The following MAF variants were observed in gnomAD, a reference collection of about 807,000 sequenced individuals.
The protein encoded by MAF is MAF bZIP transcription factor, also known as transcription factor Maf.
In MAF, 10 loss-of-function variants were observed where a neutral mutation model predicts 22.0. The ratio of observed to expected loss-of-function variants is 0.45; its 90% CI spans 0.28 to 0.77. MAF has a LOEUF of 0.77. Ranked by LOEUF, MAF falls within the 30% of genes least tolerant of loss-of-function variation. The pLI is 0.12. For synonymous variants in MAF, 337 were observed against 255.8 expected, an observed-to-expected ratio of 1.32 and a Z score of -3.03; for missense variants, 544 against 548.4, an observed-to-expected ratio of 0.99 and a Z score of 0.08.
At chr16:79,515,148 C>G in the MAF span, among the ~76,000 whole-genome samples, 2 of 152,228 alleles carry the variant, frequency 1.3e-5, no homozygotes, top group African/African-American at 4.8e-5. Flanking sequence ...CTGACACAGA[C>G]TTCACTGTGT....
intron 1 of MAF, chr16:79,597,335 A>T (rs889534020): frequency 5.8e-6 from 6 of 1,041,252 alleles, no homozygotes; most frequent in Middle Eastern, 4.4e-4. Context: ...AGCATTCCAC[A>T]TTTGACAATG....
chr16:79,366,529 A>G, the MAF span, among the ~76,000 whole-genome samples: 1 of 152,232 alleles, frequency 6.6e-6, no homozygotes, highest in Non-Finnish European at 1.5e-5. Flanking sequence ...CCTTCTAGAC[A>G]CATGATGAGA....
At chr16:79,432,786 C>G in the MAF span, among the ~76,000 whole-genome samples, 1 of 152,082 alleles carries the variant, frequency 6.6e-6, no homozygotes, top group South Asian at 2.1e-4. Context: ...AGGTGGAGAT[C>G]AGGCGATGCA....
chr16:79,311,288 G>A, the MAF span, among the ~76,000 whole-genome samples: 4 of 152,082 alleles, frequency 2.6e-5, no homozygotes, highest in Non-Finnish European at 4.4e-5. Flanking sequence ...AAACCAGCTT[G>A]AGTTTGCACC....
At chr16:79,416,573 A>G in the MAF span, among the ~76,000 whole-genome samples, 1 of 152,120 alleles carries the variant, frequency 6.6e-6, no homozygotes, top group African/African-American at 2.4e-5. Context: ...AAAGTTTTAA[A>G]TATCCAGGAG....
chr16:79,492,457 G>A, the MAF span, among the ~76,000 whole-genome samples: 1 of 149,462 alleles, frequency 6.7e-6, no homozygotes, highest in Admixed American at 6.8e-5. Context: ...CCTTACCCCA[G>A]CCCATTTGTT....
At chr16:79,477,944 G>A in the MAF span, among the ~76,000 whole-genome samples, 2 of 150,320 alleles carry the variant, frequency 1.3e-5, no homozygotes, top group South Asian at 2.1e-4. Flanking sequence ...GGCTGGTCTC[G>A]AACTCCTGAC....
chr16:79,421,761 G>A, the MAF span, among the ~76,000 whole-genome samples: 1 of 151,344 alleles, frequency 6.6e-6, no homozygotes, highest in East Asian at 1.9e-4. Context: ...TCAGCCTCTT[G>A]AGTAGTGAAT....
the MAF span, among the ~76,000 whole-genome samples, chr16:79,474,506 C>T: frequency 1.3e-5 from 2 of 152,152 alleles, no homozygotes; most frequent in Non-Finnish European, 2.9e-5. Context: ...GGCTCAGGTG[C>T]TTTCTGCCAA....
chr16:79,299,212 G>A, the MAF span, among the ~76,000 whole-genome samples: 1 of 152,138 alleles, frequency 6.6e-6, no homozygotes, highest in Non-Finnish European at 1.5e-5. Context: ...GCTGTGACCA[G>A]GAAATCCCAC....
chr16:79,205,572 T>C, the MAF span: 2 of 152,226 alleles, frequency 1.3e-5, no homozygotes, highest in Admixed American at 1.3e-4. Flanking sequence ...AATATTTGCT[T>C]TCCTGATCAT....
chr16:79,348,569 G>GA, the MAF span, among the ~76,000 whole-genome samples: 1 of 152,290 alleles, frequency 6.6e-6, no homozygotes, highest in African/African-American at 2.4e-5. Context: ...GGGAAAAGAG[G>GA]AAAAAGGTAA....
chr16:79,435,147 G>A, the MAF span, among the ~76,000 whole-genome samples: 6 of 151,980 alleles, frequency 3.9e-5, no homozygotes, highest in South Asian at 2.1e-4. Context: ...ACACATATAC[G>A]CAGTACACCT....
chr16:79,235,166 T>TCCTC, the MAF span, among the ~76,000 whole-genome samples: 1 of 152,012 alleles, frequency 6.6e-6, no homozygotes, highest in African/African-American at 2.4e-5. Flanking sequence ...AAGTGGCATA[T>TCCTC]CCAGAATTTA....
At chr16:79,234,087 G>A in the MAF span, among the ~76,000 whole-genome samples, 4 of 151,468 alleles carry the variant, frequency 2.6e-5, no homozygotes, top group Non-Finnish European at 4.4e-5. Context: ...TCCTGAACCC[G>A]CCCACCCTCC....
At chr16:79,392,297 G>C in the MAF span, among the ~76,000 whole-genome samples, 12 of 148,506 alleles carry the variant, frequency 8.1e-5, no homozygotes, top group East Asian at 2.0e-4. Context: ...GGGAGAGAGA[G>C]AGTGAAGGAA....
the MAF span, among the ~76,000 whole-genome samples, chr16:79,410,007 T>C: frequency 6.6e-6 from 1 of 152,180 alleles, no homozygotes; most frequent in Non-Finnish European, 1.5e-5. Flanking sequence ...AATTGCAACC[T>C]AGCTTAATAG....
At chr16:79,510,464 C>T in the MAF span, among the ~76,000 whole-genome samples, 3,102 of 152,252 alleles carry the variant, frequency 0.02, 95 homozygotes, top group African/African-American at 0.066. Context: ...CTGCTTCTTT[C>T]GAGATGTTCT....
At chr16:79,536,165 C>T in the MAF span, among the ~76,000 whole-genome samples, 5 of 152,330 alleles carry the variant, frequency 3.3e-5, no homozygotes, top group Admixed American at 3.3e-4. Flanking sequence ...CTTACCAAAA[C>T]TGGTAGTCAA....
Sources: gnomAD v4.1 joint callset for allele counts (sites outside exome capture counted in the v4.1 genomes callset) on GRCh38, gnomAD v4.1.1 for gene constraint, MANE v1.5 for transcripts, NCBI Gene and HGNC (gene_info 2026-07-23, HGNC 2026-07-21) for gene names.